TMTC2: variants seen among roughly 807,000 people sequenced by gnomAD.
TMTC2 encodes transmembrane O-mannosyltransferase targeting cadherins 2.
A neutral mutation model predicts 82.4 loss-of-function variants in TMTC2; 43 were observed. The observed-to-expected ratio is 0.52, with a 90% CI of 0.41 to 0.67. The LOEUF is 0.67. TMTC2 is among the 30% of genes least tolerant of loss of function. The pLI is 0.00. For missense variants in TMTC2, 919 were observed against 1,012.4 expected (o/e 0.91, Z 1.25); for synonymous variants, 408 against 381.9 (o/e 1.07, Z -0.80).
intron 2 of TMTC2, among the ~76,000 whole-genome samples, chr12:82,878,989 T>A (rs1292281939): frequency 6.6e-6 from 1 of 152,170 alleles, no homozygotes; most frequent in Non-Finnish European, 1.5e-5. Context: ...TGTCTCTTGG[T>A]GAACACTTCC....
chr12:82,758,190 T>A (rs566525429), intron 1 of TMTC2, among the ~76,000 whole-genome samples: 1 of 152,182 alleles, frequency 6.6e-6, no homozygotes, highest in Non-Finnish European at 1.5e-5. Flanking sequence ...TCTGTGTTTA[T>A]TCTCCAGTTT....
intron 1 of TMTC2, among the ~76,000 whole-genome samples, chr12:82,804,988 C>T (rs1038492962): frequency 6.6e-6 from 1 of 152,136 alleles, no homozygotes; most frequent in Admixed American, 6.5e-5. Flanking sequence ...CACTCTCTAG[C>T]AGTTTTGCCA....
rs770744265 is a variant in TMTC2, at chr12:82,687,584, G to C, written c.-3G>C. 1 of 1,596,222 alleles carries C rather than the reference G, an allele frequency of 6.3e-7. No individual in the cohort carries two copies. The highest frequency in any genetic ancestry group is 1.1e-5 in the South Asian group (1 of 87,408). ...GCCGAGCCGGAGGGAAGGCGGTGGAGAGATGATTGCAGAGTTGGTGAGCAG... is the reference window on the plus strand; with the variant it reads ...GCCGAGCCGGAGGGAAGGCGGTGGACAGATGATTGCAGAGTTGGTGAGCAG... On this transcript the variant is annotated 5_prime_UTR_variant, in exon 1 of 12. Transcript: ENST00000321196.
intron 2 of TMTC2, among the ~76,000 whole-genome samples, chr12:82,890,644 A>C (rs959782492): frequency 6.6e-6 from 1 of 152,188 alleles, no homozygotes; most frequent in Non-Finnish European, 1.5e-5. Context: ...CTGGGGCATT[A>C]GTTTTTCTAA....
chr12:82,891,098 C>T (rs1873371466), intron 2 of TMTC2, among the ~76,000 whole-genome samples: 1 of 152,140 alleles, frequency 6.6e-6, no homozygotes, highest in Non-Finnish European at 1.5e-5. Flanking sequence ...ATTGTAGGGT[C>T]ACCTGACTCC....
chr12:82,691,529 A>G (rs1480865853), intron 1 of TMTC2, among the ~76,000 whole-genome samples: 2 of 152,186 alleles, frequency 1.3e-5, no homozygotes, highest in Admixed American at 1.3e-4. Flanking sequence ...GAATTTAAGT[A>G]TATTAACAAT....
intron 8 of TMTC2, among the ~76,000 whole-genome samples, chr12:83,007,594 C>T (rs1880263806): frequency 6.6e-6 from 1 of 152,152 alleles, no homozygotes; most frequent in Non-Finnish European, 1.5e-5. Flanking sequence ...ACATCTCTGT[C>T]ACTCATTCTA....
intron 1 of TMTC2, among the ~76,000 whole-genome samples, chr12:82,693,192 T>TTTC (rs772608163): frequency 5.3e-5 from 8 of 152,310 alleles, no homozygotes; most frequent in Admixed American, 2.0e-4. Context: ...CTCTGGCAGG[T>TTTC]GGAATTCCAC....
At chr12:82,773,507 CTG>C (rs1488990497) in intron 1 of TMTC2, among the ~76,000 whole-genome samples, 3 of 150,094 alleles carry the variant, frequency 2.0e-5, no homozygotes, top group Non-Finnish European at 4.4e-5. Flanking sequence ...GTCACCCAGG[CTG>C]GAGTGCAATG....
At chr12:82,747,565 A>G (rs1014728660) in intron 1 of TMTC2, among the ~76,000 whole-genome samples, 2 of 152,204 alleles carry the variant, frequency 1.3e-5, no homozygotes, top group Non-Finnish European at 2.9e-5. Context: ...AATTTCAGGA[A>G]AGCATTATTA....
At chr12:82,853,194 G>C (rs12304267) in intron 1 of TMTC2, among the ~76,000 whole-genome samples, 37,212 of 151,688 alleles carry the variant, frequency 0.25, 11,040 homozygotes, top group African/African-American at 0.71. Context: ...CCTCCACCTC[G>C]AGGGTTCAAG....
intron 1 of TMTC2, among the ~76,000 whole-genome samples, chr12:82,835,796 C>G (rs149774539): frequency 1.9e-4 from 29 of 152,216 alleles, no homozygotes; most frequent in African/African-American, 7.0e-4. Flanking sequence ...TGCTCCCTGC[C>G]CCTTGAGACT....
chr12:83,000,233 C>G (rs1315825425), intron 8 of TMTC2, among the ~76,000 whole-genome samples: 1 of 152,118 alleles, frequency 6.6e-6, no homozygotes, highest in Admixed American at 6.5e-5. Context: ...CTCCCTAGTT[C>G]AAGCAATTCT....
intron 2 of TMTC2, among the ~76,000 whole-genome samples, chr12:82,876,153 G>GATGGTGATGGTGATTA (rs1872559398): frequency 7.2e-6 from 1 of 138,626 alleles, no homozygotes; most frequent in South Asian, 2.1e-4. Flanking sequence ...TGGTGGTGGT[G>GATGGTGATGGTGATTA]GTAGTGGTGG....
At chr12:82,947,907 C>G (rs1326580274) in intron 4 of TMTC2, among the ~76,000 whole-genome samples, 2 of 152,100 alleles carry the variant, frequency 1.3e-5, no homozygotes, top group East Asian at 3.9e-4. Context: ...CCCTTTTTCT[C>G]CATTCTTCAG....
chr12:82,696,636 C>T (rs1052511185), intron 1 of TMTC2, among the ~76,000 whole-genome samples: 2 of 151,726 alleles, frequency 1.3e-5, no homozygotes, highest in African/African-American at 4.8e-5. Flanking sequence ...GCTTTTGTTC[C>T]ATATTGAACA....
At chr12:82,819,667 A>T (rs1181028395) in intron 1 of TMTC2, among the ~76,000 whole-genome samples, 3 of 151,754 alleles carry the variant, frequency 2.0e-5, no homozygotes, top group Admixed American at 2.0e-4. Context: ...ACACCCAGCT[A>T]ATTTTCTGTA....
intron 9 of TMTC2, among the ~76,000 whole-genome samples, chr12:83,039,193 A>G (rs1881795841): frequency 6.6e-6 from 1 of 152,136 alleles, no homozygotes; most frequent in South Asian, 2.1e-4. Flanking sequence ...TTGGCCTCCC[A>G]AAGTGCTAGG....
chr12:82,867,491 C>T (rs1441940328), intron 2 of TMTC2, among the ~76,000 whole-genome samples: 1 of 152,102 alleles, frequency 6.6e-6, no homozygotes, highest in African/African-American at 2.4e-5. Context: ...GACTTAGTTC[C>T]TACTTAAGGG....
Sources: allele counts gnomAD v4.1 joint callset (sites outside exome capture counted in the v4.1 genomes callset), GRCh38; gene constraint gnomAD v4.1.1; transcripts MANE v1.5; gene names NCBI Gene and HGNC (gene_info 2026-07-23, HGNC 2026-07-21).